Variants in SYT17 observed in about 807,000 individuals in gnomAD.
SYT17 encodes synaptotagmin-17.
SYT17 carries 22 observed loss-of-function variants against 46.7 expected under a neutral mutation model. The ratio of observed to expected loss-of-function variants is 0.47; its 90% confidence interval spans 0.34 to 0.67. SYT17 has a LOEUF of 0.67. Ranked by LOEUF, SYT17 falls within the 30% of genes least tolerant of loss-of-function variation. SYT17 has a pLI of 0.01. For synonymous variants in SYT17, 251 were observed against 248.4 expected (o/e 1.01, Z -0.10); for missense variants, 519 against 612.8 (o/e 0.85, Z 1.62).
At chr16:19,173,399 T>TC (rs1433166257) in intron 2 of SYT17, 31 bp from the exon 3 acceptor site, 44 of 95,774 alleles carry the variant, frequency 4.6e-4, no homozygotes, top group South Asian at 1.0e-3. Flanking sequence ...CTCTCCCCCA[T>TC]CCCCCCGCCC....
intron 1 of SYT17, among the ~76,000 whole-genome samples, chr16:19,169,399 G>A (rs867493175): frequency 6.6e-6 from 1 of 152,250 alleles, no homozygotes; most frequent in Non-Finnish European, 1.5e-5. Context: ...GTGACCGCAG[G>A]TCAGCGCCAA....
chr16:19,194,336 T>C (rs1400045373), intron 5 of SYT17, among the ~76,000 whole-genome samples: 3 of 151,636 alleles, frequency 2.0e-5, no homozygotes, highest in African/African-American at 7.3e-5. Context: ...ATACTGGGAG[T>C]AGGGAGGATT....
At chr16:19,245,461 C>T (rs541383552) in intron 7 of SYT17, among the ~76,000 whole-genome samples, 4 of 152,242 alleles carry the variant, frequency 2.6e-5, no homozygotes, top group South Asian at 4.1e-4. Context: ...TGGTGATCTC[C>T]ACCAGGCGCC....
At chr16:19,219,921 G>A (rs1966245166) in intron 5 of SYT17, among the ~76,000 whole-genome samples, 1 of 152,100 alleles carries the variant, frequency 6.6e-6, no homozygotes. Context: ...AAACCTGGGA[G>A]GAGCAAAGTC....
At chr16:19,241,459 C>T (rs150313236) in intron 7 of SYT17, among the ~76,000 whole-genome samples, 1 of 152,252 alleles carries the variant, frequency 6.6e-6, no homozygotes, top group Non-Finnish European at 1.5e-5. Context: ...TTGGAAGAGG[C>T]AGGGCTCCCG....
Position 19,238,712 on chromosome 16 carries a change from T to A in SYT17, c.1228+13874T>A, listed in dbSNP as rs147294987. Among the ~76,000 whole-genome samples, 506 of 152,230 alleles carry A rather than the reference T, an allele frequency of 3.3e-3. 6 individuals are homozygous for A. Among genetic ancestry groups the A allele is most frequent in the African/African-American group, 0.012 (482 of 41,534 alleles). ...GGGAGAGCATCGGGGAGCTGAGGGT[T>A]TATCCAACCACATATGTGCCTGCAG... On this transcript the variant is annotated intron_variant, in intron 7 of 7. Coordinates refer to ENST00000355377, the MANE Select transcript of SYT17 (RefSeq NM_016524.4).
chr16:19,188,512 G>C (rs1346216802), intron 5 of SYT17, among the ~76,000 whole-genome samples: 1 of 24,934 alleles, frequency 4.0e-5, no homozygotes, highest in Admixed American at 4.4e-4. Flanking sequence ...ATTCAGTTCT[G>C]CAAAAAAAAA....
intron 6 of SYT17, 47 bp downstream of exon 6, chr16:19,223,212 G>A (rs776561383): frequency 1.3e-6 from 2 of 1,598,184 alleles, no homozygotes; most frequent in Non-Finnish European, 1.7e-6. Context: ...TGGGGCATCT[G>A]TGTTTGTGTG....
At chr16:19,167,910 GC>G (rs1963932691), upstream of SYT17, 1 of 152,414 alleles carries the variant, frequency 6.6e-6, no homozygotes, top group African/African-American at 2.4e-5. Flanking sequence ...AGCCCTGGAC[GC>G]AGCACCTCCG....
Position 19,224,743 on chromosome 16 carries a change from C to A in SYT17, c.1133C>A (p.Ser378Tyr). 2 of 1,614,054 alleles carry A rather than the reference C, an allele frequency of 1.2e-6. No homozygotes were observed. Among genetic ancestry groups the A allele is most frequent in the Non-Finnish European group, 1.7e-6 (2 of 1,179,966 alleles). Residue 378 changes from serine to tyrosine, a missense_variant, in exon 7 of 8, where the codon TCC becomes TAC. Transcript: ENST00000355377. ...GLKLVKTKKT[S>Y]FLRGTIDPFY... ...AAACTTGTGAAAACCAAGAAGACGT[C>A]CTTCTTAAGGGGCACAATTGATCCT...
chr16:19,262,544 G>T (rs750227756), intron 7 of SYT17, among the ~76,000 whole-genome samples: 2 of 151,328 alleles, frequency 1.3e-5, no homozygotes, highest in African/African-American at 2.5e-5. Context: ...AAGTCCAAGA[G>T]AGACCAGATG....
intron 4 of SYT17, among the ~76,000 whole-genome samples, chr16:19,181,197 G>A (rs1964543462): frequency 6.6e-6 from 1 of 152,186 alleles, no homozygotes; most frequent in African/African-American, 2.4e-5. Flanking sequence ...CAAAATGTAT[G>A]TGTGGCCATC....
chr16:19,195,052 C>G (rs1334940067), intron 5 of SYT17, among the ~76,000 whole-genome samples: 1 of 152,204 alleles, frequency 6.6e-6, no homozygotes, highest in Admixed American at 6.5e-5. Context: ...GCTGTGTGAA[C>G]TTGGGTCTAA....
intron 5 of SYT17, among the ~76,000 whole-genome samples, chr16:19,215,197 A>T (rs1405729350): frequency 6.6e-6 from 1 of 152,154 alleles, no homozygotes; most frequent in Admixed American, 6.6e-5. Context: ...CAAAAATTAT[A>T]TTTCTCTTTT....
intron 5 of SYT17, among the ~76,000 whole-genome samples, chr16:19,195,770 G>A (rs959172856): frequency 6.6e-6 from 1 of 152,034 alleles, no homozygotes; most frequent in African/African-American, 2.4e-5. Context: ...GATTATGTGA[G>A]TCAGGAGTTC....
chr16:19,250,533 A>G (rs949668940), intron 7 of SYT17, among the ~76,000 whole-genome samples: 2 of 152,040 alleles, frequency 1.3e-5, no homozygotes, highest in African/African-American at 4.8e-5. Context: ...GCACCCCACT[A>G]CATTCAGCTA....
At chr16:19,238,205 T>C (rs944509214) in intron 7 of SYT17, among the ~76,000 whole-genome samples, 3 of 152,208 alleles carry the variant, frequency 2.0e-5, no homozygotes, top group Non-Finnish European at 4.4e-5. Flanking sequence ...TTCCCTATCT[T>C]GGCCAAGTTA....
Position 19,239,039 on chromosome 16 carries a change from A to G in SYT17, c.1228+14201A>G, listed in dbSNP as rs538577134. Among the ~76,000 whole-genome samples the G allele has an allele frequency of 8.6e-5, 13 of 151,266 alleles. No individual in the cohort carries two copies. In the South Asian group the frequency reaches 2.7e-3, roughly 32 times the overall value. Reference sequence around the variant, plus strand: ...ATACCTGTAATCCCAGCACTTTGGAAGGCCGGGGCAGGAGGATTGCTCGGG... The same window carrying G: ...ATACCTGTAATCCCAGCACTTTGGAGGGCCGGGGCAGGAGGATTGCTCGGG... On this transcript the variant is annotated intron_variant, in intron 7 of 7. Transcript: ENST00000355377.
intron 5 of SYT17, among the ~76,000 whole-genome samples, chr16:19,212,692 C>T (rs1472564602): frequency 6.6e-6 from 1 of 152,090 alleles, no homozygotes; most frequent in African/African-American, 2.4e-5. Context: ...TTTAGAAAAC[C>T]AGAATATTGG....
Sources: gnomAD v4.1 joint callset for allele counts (sites outside exome capture counted in the v4.1 genomes callset) on GRCh38, gnomAD v4.1.1 for gene constraint, MANE v1.5 for transcripts, NCBI Gene and HGNC (gene_info 2026-07-23, HGNC 2026-07-21) for gene names.